Variants in IRF9 observed in about 807,000 individuals in gnomAD.
The protein encoded by IRF9 is interferon regulatory factor 9, also known as IFN-alpha-responsive transcription factor subunit.
In IRF9, 13 loss-of-function variants were observed where a neutral mutation model predicts 44.1. The ratio of observed to expected loss-of-function variants is 0.29; its 90% CI spans 0.19 to 0.47. The LOEUF (loss-of-function observed/expected upper bound fraction) is 0.47, where lower values mean the gene tolerates loss of function less well. IRF9 is among the 20% of genes least tolerant of loss of function. IRF9 has a pLI of 1.00. For synonymous variants in IRF9, 189 were observed against 188.5 expected, an observed-to-expected ratio of 1.00 and a Z score of -0.02; for missense variants, 373 against 496.1, an observed-to-expected ratio of 0.75 and a Z score of 2.36.
At chr14:24,165,346 T>C (rs1485928981) in intron 7 of IRF9, 1 of 636,326 alleles carries the variant, frequency 1.6e-6, no homozygotes, top group East Asian at 2.7e-5. Flanking sequence ...TCACACACAC[T>C]GGCCCTGGCT....
chr14:24,161,996 A>C, intron 1 of IRF9, 148 bp from the exon 2 acceptor site: 1 of 705,466 alleles, frequency 1.4e-6, no homozygotes, highest in Non-Finnish European at 2.4e-6. Context: ...TCTGTCCCAT[A>C]GAGTGTTGAA....
rs778506067 is a variant in IRF9, at chr14:24,163,897, G to C, written c.515G>C (p.Gly172Ala). 1 of 1,596,646 alleles carries C rather than the reference G, an allele frequency of 6.3e-7. No individual in the cohort carries two copies. Among genetic ancestry groups the C allele is most frequent in the East Asian group, 2.2e-5 (1 of 44,800 alleles). ...CCGCAGGAGGAGGAGGGGGCCAGTGGGGGAGCAGTCCATTCAGACATTGGG... is the reference window on the plus strand; with the variant it reads ...CCGCAGGAGGAGGAGGGGGCCAGTGCGGGAGCAGTCCATTCAGACATTGGG... ...SLNNEEEGASGGAVHSDIGSS... is the reference protein window; with the variant it reads ...SLNNEEEGASAGAVHSDIGSS... The change falls in exon 5 of 9, where the codon GGG (glycine) becomes GCG (alanine). Residue 172 changes from glycine to alanine, a missense_variant. Gly to Ala is a moderately conservative substitution (Grantham distance 60). Around this residue, in one of 2 missense-constraint regions of IRF9, gnomAD observed 227 missense variants for 255.3 expected, o/e 0.89. Coordinates refer to ENST00000396864, the MANE Select transcript of IRF9 (RefSeq NM_006084.5).
chr14:24,164,645 C>T lies in IRF9; in HGVS notation c.681C>T (p.Asn227=), dbSNP rs1393144147. ...DYSLLLTFIY[N]GRVVGEAQVQ... The stretch of plus-strand genomic sequence containing the variant: ...CACTGCTGCTCACCTTCATCTACAA[C>T]GGGCGCGTGGTGGGCGAGGCCCAGG... The change falls in exon 7 of 9, where the codon AAC becomes AAT. Residue 227 remains asparagine, a synonymous_variant. Coordinates refer to ENST00000396864, the MANE Select transcript of IRF9 (RefSeq NM_006084.5). This position sits in a 1 kb window ranked among gnomAD's most constrained non-coding sequence, Gnocchi z 5.2. 9.9e-6 allele frequency: 16 copies of T among 1,609,922 alleles called. No homozygotes were observed. In the Admixed American group the frequency reaches 1.2e-4, roughly 12 times the overall value.
At chr14:24,163,265 A>G in intron 3 of IRF9, 113 bp from the exon 4 acceptor site, 1 of 1,542,026 alleles carries the variant, frequency 6.5e-7, no homozygotes, top group Non-Finnish European at 8.8e-7. Context: ...GGGGGGCTGC[A>G]ACCCAGGTTT....
chr14:24,164,290 AT>A lies in IRF9; in HGVS notation c.649+157del, dbSNP rs1408382757. 1.5e-6 allele frequency: 1 copy of A among 687,306 alleles called. No homozygotes were observed. Among genetic ancestry groups the A allele is most frequent in the African/African-American group, 1.8e-5 (1 of 55,180 alleles). 42.6% of individuals were successfully genotyped at this position (687,306 alleles called of 1,614,324 possible). ...GGTTTCTAGGTGGCGAGAATTCCAT[AT>A]GCCTGGCCAGACTCCAAAAAGCTTG... is the stretch of plus-strand genomic sequence containing the variant. On this transcript the variant is annotated intron_variant, in intron 6 of 8. Transcript: ENST00000396864. This position sits in a 1 kb window ranked among gnomAD's most constrained non-coding sequence, Gnocchi z 5.2.
chr14:24,162,173 G>A lies in IRF9; in HGVS notation c.29G>A (p.Arg10Gln), dbSNP rs769270505. 6 of 1,613,948 alleles carry A rather than the reference G, an allele frequency of 3.7e-6. No individual in the cohort carries two copies. The highest frequency in any genetic ancestry group is 2.2e-5 in the East Asian group (1 of 44,884). Residue 10 changes from arginine (R) to glutamine (Q), a missense_variant, in exon 2 of 9, where the codon CGA (arginine) becomes CAA (glutamine). By Grantham distance (43) the Arg-to-Gln change is conservative. Around this residue, in one of 2 missense-constraint regions of IRF9, gnomAD observed 227 missense variants for 255.3 expected, o/e 0.89. Transcript: ENST00000396864. MASGRARCTRKLRNWVVEQV... is the reference protein window; with the variant it reads MASGRARCTQKLRNWVVEQV... ...GCATCAGGCAGGGCACGCTGCACCC[G>A]AAAACTCCGGAACTGGGTGGTGGAG...
At position 24,164,943 on chromosome 14, in the gene IRF9, T is replaced by G; in HGVS notation, c.979T>G (p.Tyr327Asp). The G allele has an allele frequency of 6.2e-7, 1 of 1,611,666 alleles. No homozygotes were observed. The highest frequency in any genetic ancestry group is 8.5e-7 in the Non-Finnish European group (1 of 1,178,768). The change falls in exon 7 of 9, where the codon TAC becomes GAC. Residue 327 changes from tyrosine (Y) to aspartate (D), a missense_variant. By Grantham distance (160) the Tyr-to-Asp change is radical. Transcript: ENST00000396864. The surrounding 1 kb of genome is among the most constrained non-coding windows in gnomAD (Gnocchi z 5.2). ...NECVELFRTA[Y>D]FCRDLVRYFQ... ...GTGCGTGGAGCTCTTCAGAACCGCC[T>G]ACTTCTGCAGAGGTGAGGCTGTTCT...
chr14:24,165,743 C>T (rs1322655433), intron 7 of IRF9, 104 bp from the exon 8 acceptor site: 1 of 710,626 alleles, frequency 1.4e-6, no homozygotes, highest in African/African-American at 1.8e-5. Context: ...TCTGGCAAGA[C>T]CCCCTCCTAC....
chr14:24,166,174 C>T lies in IRF9; in HGVS notation c.1160C>T (p.Ala387Val), dbSNP rs779888120. The change falls in exon 9 of 9, where the codon GCA becomes GTA. Residue 387 changes from alanine to valine, a missense_variant. Ala to Val is a moderately conservative substitution (Grantham distance 64). Around this residue, in one of 2 missense-constraint regions of IRF9, gnomAD observed 146 missense variants for 240.8 expected, o/e 0.61. Coordinates refer to ENST00000396864, the MANE Select transcript of IRF9 (RefSeq NM_006084.5). Reference protein sequence around the residue: ...YLLEQTPEQQAAILSLV With the variant: ...YLLEQTPEQQVAILSLV ...CTGGAGCAGACTCCAGAGCAGCAGG[C>T]AGCCATTCTGTCCCTGGTGTAGAGC... The T allele has an allele frequency of 6.2e-7, 1 of 1,614,100 alleles. No individual in the cohort carries two copies. Among genetic ancestry groups the T allele is most frequent in the Non-Finnish European group, 8.5e-7 (1 of 1,180,010 alleles).
chr14:24,163,749 A>G, intron 4 of IRF9, 129 bp from the exon 5 acceptor site: 1 of 1,002,778 alleles, frequency 1.0e-6, no homozygotes, highest in Non-Finnish European at 1.5e-6. Context: ...GAGGCAGGAG[A>G]ATCGCTTGAA....
chr14:24,166,167 C>A lies in IRF9; in HGVS notation c.1153C>A (p.Gln385Lys). 1 of 1,614,148 alleles carries A rather than the reference C, an allele frequency of 6.2e-7. No homozygotes were observed. Among genetic ancestry groups the A allele is most frequent in the Non-Finnish European group, 8.5e-7 (1 of 1,180,038 alleles). The change falls in exon 9 of 9, where the codon CAG (glutamine) becomes AAG (lysine). Residue 385 changes from glutamine (Q) to lysine (K), a missense_variant. Gln to Lys is a moderately conservative substitution (Grantham distance 53). Transcript: ENST00000396864. ...ATACTTGCTGGAGCAGACTCCAGAGCAGCAGGCAGCCATTCTGTCCCTGGT... is the reference window on the plus strand; with the variant it reads ...ATACTTGCTGGAGCAGACTCCAGAGAAGCAGGCAGCCATTCTGTCCCTGGT... ...ARYLLEQTPE[Q>K]QAAILSLV is the part of the protein sequence containing the mutation.
chr14:24,162,105 G>A (rs2038464350), intron 1 of IRF9, 39 bp from the exon 2 acceptor site: 1 of 1,594,002 alleles, frequency 6.3e-7, no homozygotes, highest in East Asian at 2.2e-5. Flanking sequence ...CCCTCCCAAA[G>A]TGTCAGTTCT....
At chr14:24,162,099 C>T (rs1364875171) in intron 1 of IRF9, 45 bp from the exon 2 acceptor site, 6 of 1,582,222 alleles carry the variant, frequency 3.8e-6, no homozygotes, top group African/African-American at 1.3e-5. Context: ...GATGTTCCCT[C>T]CCAAAGTGTC....
Position 24,164,065 on chromosome 14 carries a change from A to G in IRF9, c.580A>G (p.Thr194Ala). ...SSSSPEPQEV[T>A]DTTEAPFQGD... is the part of the protein sequence containing the mutation. ...CAGTGCCTTTGCTTCCCTTCCAGTT[A>G]CAGACACAACTGAGGCCCCCTTTCA... Residue 194 changes from threonine to alanine, a missense_variant and splice_region_variant, in exon 6 of 9, where the codon ACA (threonine) becomes GCA (alanine). Physicochemically the swap from Thr to Ala is moderately conservative, Grantham distance 58 (BLOSUM62 0). Around this residue, in one of 2 missense-constraint regions of IRF9, gnomAD observed 227 missense variants for 255.3 expected, o/e 0.89. Coordinates refer to ENST00000396864, the MANE Select transcript of IRF9 (RefSeq NM_006084.5). The surrounding 1 kb of genome is among the most constrained non-coding windows in gnomAD (Gnocchi z 5.2). The G allele has an allele frequency of 1.2e-6, 2 of 1,614,008 alleles. No individual in the cohort carries two copies. The highest frequency in any genetic ancestry group is 1.7e-6 in the Non-Finnish European group (2 of 1,179,968).
intron 1 of IRF9, among the ~76,000 whole-genome samples, chr14:24,161,801 C>G (rs2236350): frequency 6.6e-6 from 1 of 152,100 alleles, no homozygotes; most frequent in Non-Finnish European, 1.5e-5. Context: ...GGGCCTGTCA[C>G]CAGGAACGAT....
intron 1 of IRF9, among the ~76,000 whole-genome samples, chr14:24,161,697 G>T (rs1171031740): frequency 6.6e-6 from 1 of 152,174 alleles, no homozygotes; most frequent in East Asian, 1.9e-4. Flanking sequence ...GGGGGTGGGG[G>T]TCAGGCTAGG....
At chr14:24,166,001 A>G (rs775084470) in intron 8 of IRF9, 39 bp downstream of exon 8, 1 of 1,590,792 alleles carries the variant, frequency 6.3e-7, no homozygotes, top group South Asian at 1.1e-5. Flanking sequence ...ATCTAATGAG[A>G]GCAGAGACAG....
At chr14:24,166,067 G>A in intron 8 of IRF9, 55 bp from the exon 9 acceptor site, 6 of 1,591,334 alleles carry the variant, frequency 3.8e-6, no homozygotes, top group Non-Finnish European at 5.2e-6. Context: ...CCTGGGGGTG[G>A]TGTCTGTCCC....
rs1419081959 is a variant in IRF9, at chr14:24,166,244, C to G, written c.*48C>G. The G allele has an allele frequency of 6.7e-7, 1 of 1,487,764 alleles. No homozygotes were observed. The highest frequency in any genetic ancestry group is 2.3e-5 in the East Asian group (1 of 44,178). The allele number at this position is 1,487,764 out of a possible 1,614,324, so 92.2% of individuals were successfully genotyped here. ...CCTCACCTCTTTGTTCTTCCTGTCT[C>G]CTTTGAAGTAGACTCATTCTTCACA... is the stretch of plus-strand genomic sequence containing the variant. On this transcript the variant is annotated 3_prime_UTR_variant, in exon 9 of 9. Coordinates refer to ENST00000396864, the MANE Select transcript of IRF9 (RefSeq NM_006084.5).
Sources: allele counts gnomAD v4.1 joint callset (sites outside exome capture counted in the v4.1 genomes callset), GRCh38; gene constraint gnomAD v4.1.1; regional missense constraint gnomAD v4.1.1; non-coding constraint Gnocchi (gnomAD v3.1); transcripts MANE v1.5; gene names NCBI Gene and HGNC (gene_info 2026-07-23, HGNC 2026-07-21).